The following ARHGAP24 variants were observed in gnomAD, a reference collection of about 807,000 sequenced individuals.
ARHGAP24 encodes the protein Rho GTPase activating protein 24.
ARHGAP24 carries 50 observed loss-of-function variants against 76.4 expected under a neutral mutation model. The ratio of observed to expected loss-of-function variants is 0.65; its 90% CI spans 0.52 to 0.83. The LOEUF is 0.83. Among genes scored for constraint, ARHGAP24 ranks in the 40% least tolerant of loss-of-function variants. ARHGAP24 has a pLI of 0.00. For synonymous variants in ARHGAP24, 345 were observed against 323.3 expected (o/e 1.07, Z -0.72); for missense variants, 930 against 914.2 (o/e 1.02, Z -0.22).
chr4:85,591,836 A>G (rs1728123922), intron 2 of ARHGAP24, among the ~76,000 whole-genome samples: 1 of 152,180 alleles, frequency 6.6e-6, no homozygotes, highest in South Asian at 2.1e-4. Flanking sequence ...GCTATGTATG[A>G]AGCACTTAGC....
chr4:85,481,632 C>A (rs748455118), intron 1 of ARHGAP24, among the ~76,000 whole-genome samples: 2 of 152,088 alleles, frequency 1.3e-5, no homozygotes, highest in Non-Finnish European at 2.9e-5. Context: ...GAGAAGTGAA[C>A]AGGAAAGGTG....
chr4:85,767,647 G>A lies in ARHGAP24; in HGVS notation c.268+45675G>A, dbSNP rs1195966359. ...TTGGCATATAGATTACCCCAAAGGG[G>A]CAAATTATTAAAGAAAAAGAAACAA... On this transcript the variant is annotated intron_variant, in intron 3 of 9. Transcript: ENST00000395184. 3.4e-4 allele frequency among the ~76,000 whole-genome samples: 21 copies of A among 60,962 alleles called. No homozygotes were observed. In the Admixed American group the frequency reaches 4.4e-3, roughly 13 times the overall value. 40.0% of individuals were successfully genotyped at this position (60,962 alleles called of 152,430 possible). A position where few individuals can be genotyped will look rare whatever the true frequency, so the allele number is the denominator to read the frequency against.
rs1008778401 is a variant in ARHGAP24 at position 85,642,554 on chromosome 4, A to C, written c.180+71833A>C. Among the ~76,000 whole-genome samples the C allele has an allele frequency of 4.3e-5, 6 of 138,902 alleles. No homozygotes were observed. In the East Asian group the frequency reaches 1.7e-3, roughly 40 times the overall value. 91.1% of individuals were successfully genotyped at this position (138,902 alleles called of 152,430 possible). On this transcript the variant is annotated intron_variant, in intron 2 of 9. Coordinates refer to ENST00000395184, the MANE Select transcript of ARHGAP24 (RefSeq NM_001025616.3). ...AGTTTATTCAGACCAAAAACTTGAG[A>C]GTCACGCTTGACTCTTCTTTCTCTC... is the stretch of plus-strand genomic sequence containing the variant.
intron 3 of ARHGAP24, among the ~76,000 whole-genome samples, chr4:85,760,064 G>GA (rs1012656505): frequency 2.2e-5 from 1 of 44,498 alleles, no homozygotes; most frequent in East Asian, 2.4e-4. Context: ...TTCTTCTGAA[G>GA]AAAAAAAATC....
intron 1 of ARHGAP24, among the ~76,000 whole-genome samples, chr4:85,478,078 A>G (rs1411372905): frequency 6.6e-6 from 1 of 152,172 alleles, no homozygotes; most frequent in Non-Finnish European, 1.5e-5. Context: ...GTAACAAGGG[A>G]CAGCCACCCA....
At chr4:85,754,837 C>A (rs544902156) in intron 3 of ARHGAP24, among the ~76,000 whole-genome samples, 3 of 152,258 alleles carry the variant, frequency 2.0e-5, no homozygotes, top group East Asian at 1.9e-4. Flanking sequence ...TGTTATCATG[C>A]GACACTGAGC....
At chr4:85,887,653 C>T (rs769731396) in intron 3 of ARHGAP24, among the ~76,000 whole-genome samples, 4 of 152,050 alleles carry the variant, frequency 2.6e-5, no homozygotes, top group Non-Finnish European at 4.4e-5. Context: ...AACATAAAAA[C>T]GTTTCTCCAT....
At chr4:85,673,921 G>A (rs3887498) in intron 2 of ARHGAP24, among the ~76,000 whole-genome samples, 13,918 of 151,816 alleles carry the variant, frequency 0.092, 2,161 homozygotes, top group African/African-American at 0.32. Context: ...ATTTTGTTGC[G>A]TAGCTTGTAT....
chr4:85,698,280 G>C (rs1723943401), intron 2 of ARHGAP24, among the ~76,000 whole-genome samples: 1 of 152,170 alleles, frequency 6.6e-6, no homozygotes, highest in Non-Finnish European at 1.5e-5. Flanking sequence ...AGGTTGGCAG[G>C]GTTTCTGTGA....
intron 1 of ARHGAP24, among the ~76,000 whole-genome samples, chr4:85,541,878 AGTGTGGAAG>A (rs1253645325): frequency 1.1e-4 from 17 of 152,180 alleles, no homozygotes; most frequent in African/African-American, 4.1e-4. Context: ...TCTTCACGAT[AGTGTGGAAG>A]GCCTGACCTA....
At chr4:85,492,997 T>C (rs888925879) in intron 1 of ARHGAP24, among the ~76,000 whole-genome samples, 1 of 152,216 alleles carries the variant, frequency 6.6e-6, no homozygotes, top group Admixed American at 6.5e-5. Flanking sequence ...TTGACACTTT[T>C]GAAGTCTAGT....
intron 3 of ARHGAP24, among the ~76,000 whole-genome samples, chr4:85,844,315 G>C (rs376185712): frequency 6.6e-6 from 1 of 152,116 alleles, no homozygotes; most frequent in South Asian, 2.1e-4. Flanking sequence ...TGAACTGTTC[G>C]TTACAGCATC....
At chr4:85,672,542 A>T (rs1199616133) in intron 2 of ARHGAP24, among the ~76,000 whole-genome samples, 1 of 152,168 alleles carries the variant, frequency 6.6e-6, no homozygotes, top group Non-Finnish European at 1.5e-5. Flanking sequence ...AGTTGAGTTA[A>T]GGCAGAATCT....
chr4:85,748,267 T>C (rs1726128484), intron 3 of ARHGAP24, among the ~76,000 whole-genome samples: 1 of 152,218 alleles, frequency 6.6e-6, no homozygotes, highest in Non-Finnish European at 1.5e-5. Context: ...TCCGAGCATA[T>C]GGTATTAATA....
chr4:85,584,034 C>T (rs1437439187), intron 2 of ARHGAP24, among the ~76,000 whole-genome samples: 13 of 149,102 alleles, frequency 8.7e-5, no homozygotes, highest in South Asian at 2.1e-4. Flanking sequence ...GTCAGTGTGG[C>T]GATTCCTCAG....
chr4:85,769,690 C>T (rs1338106864), intron 3 of ARHGAP24, among the ~76,000 whole-genome samples: 6 of 151,346 alleles, frequency 4.0e-5, no homozygotes, highest in South Asian at 2.1e-4. Flanking sequence ...ACCGGGCAAG[C>T]GATTCTCCTG....
intron 4 of ARHGAP24, among the ~76,000 whole-genome samples, chr4:85,928,213 T>TTTCC (rs3840501): frequency 0.31 from 45,848 of 150,240 alleles, 7,170 homozygotes; most frequent in East Asian, 0.56. Flanking sequence ...AAGGTTTCGT[T>TTTCC]TTCCTTCCTT....
chr4:85,752,237 G>A (rs763195880), intron 3 of ARHGAP24, among the ~76,000 whole-genome samples: 3 of 152,118 alleles, frequency 2.0e-5, no homozygotes, highest in Non-Finnish European at 2.9e-5. Context: ...AGGCCCATTC[G>A]GTGTGTGCAG....
intron 3 of ARHGAP24, among the ~76,000 whole-genome samples, chr4:85,817,821 A>G (rs1162402969): frequency 6.6e-6 from 1 of 152,190 alleles, no homozygotes; most frequent in East Asian, 1.9e-4. Flanking sequence ...TCTTAAAGTT[A>G]GCATAATCTG....
Sources: gnomAD v4.1 joint callset for allele counts (sites outside exome capture counted in the v4.1 genomes callset) on GRCh38, gnomAD v4.1.1 for gene constraint, MANE v1.5 for transcripts, NCBI Gene and HGNC (gene_info 2026-07-23, HGNC 2026-07-21) for gene names.